The following PGAM1 variants were observed in gnomAD, a reference collection of about 807,000 sequenced individuals.
PGAM1 encodes BPG-dependent PGAM 1.
A neutral mutation model predicts 23.5 loss-of-function variants in PGAM1; 21 were observed. The ratio of observed to expected loss-of-function variants is 0.89; its 90% CI spans 0.63 to 1.29. The LOEUF is 1.29. PGAM1 is among the 50% of genes most tolerant of loss of function. The pLI, the probability that PGAM1 is intolerant of heterozygous loss-of-function variation, is 0.00. For synonymous variants in PGAM1, 109 were observed against 128.6 expected (o/e 0.85, Z 1.03); for missense variants, 232 against 336.3 (o/e 0.69, Z 2.42).
Position 97,430,414 on chromosome 10 carries a change from G to C in PGAM1, c.175G>C (p.Val59Leu). 1.2e-6 allele frequency: 2 copies of C among 1,611,466 alleles called. No homozygotes were observed. The highest frequency in any genetic ancestry group is 2.2e-5 in the South Asian group (2 of 90,994). ...GYEFDICFTSVQKRAIRTLWT... is the reference protein window; with the variant it reads ...GYEFDICFTSLQKRAIRTLWT... ...TGAGTTTGACATCTGCTTCACCTCA[G>C]TGCAGAAGAGAGCGATCCGGACCCT... The change falls in exon 2 of 4, where the codon GTG becomes CTG. Residue 59 changes from valine to leucine, a missense_variant. Coordinates refer to ENST00000334828, the MANE Select transcript of PGAM1 (RefSeq NM_002629.4).
Position 97,432,579 on chromosome 10 carries a change from C to A in PGAM1, c.*55C>A, listed in dbSNP as rs1037630935. The A allele has an allele frequency of 1.6e-4, 163 of 1,019,064 alleles. No homozygotes were observed. The highest frequency in any genetic ancestry group is 2.4e-4 in the Non-Finnish European group (162 of 662,516). 63.1% of individuals were successfully genotyped at this position (1,019,064 alleles called of 1,614,324 possible). A position where few individuals can be genotyped will look rare whatever the true frequency, so the allele number is the denominator to read the frequency against. On this transcript the variant is annotated 3_prime_UTR_variant, in exon 4 of 4. Coordinates refer to ENST00000334828, the MANE Select transcript of PGAM1 (RefSeq NM_002629.4). ...AGCACCCTCCCTGCCCGTCTTGTCC[C>A]TCTGCCCCTCCCACCTGCACATGTC...
intron 1 of PGAM1, among the ~76,000 whole-genome samples, chr10:97,429,842 C>T (rs1414494972): frequency 6.6e-6 from 1 of 151,886 alleles, no homozygotes; most frequent in Non-Finnish European, 1.5e-5. Flanking sequence ...TTATAAGTGA[C>T]AATTCCCAGT....
At position 97,431,795 on chromosome 10, in the gene PGAM1, G is replaced by A. The variant is rs143821040; in HGVS notation, c.596-560G>A. 8.5e-5 allele frequency among the ~76,000 whole-genome samples: 13 copies of A among 152,112 alleles called. No homozygotes were observed. The South Asian group carries it at 2.7e-3, about 32-fold the overall frequency. On this transcript the variant is annotated intron_variant, in intron 3 of 3. Transcript: ENST00000334828. The stretch of plus-strand genomic sequence containing the variant: ...TCCCAGCTACTCAGGAGGCTGAGGC[G>A]GGAGATCGCTTGAGCCCAGCAGTTT...
At position 97,426,219 on chromosome 10, in the gene PGAM1, G is replaced by T. The variant is rs555771648; in HGVS notation, c.-89G>T. ...AACTTGCGCGGGAGCCGGACTGAGC[G>T]GTGCGAGCGCGCAGGCGCGGCCGAC... On this transcript the variant is annotated 5_prime_UTR_variant, in exon 1 of 4. Coordinates refer to ENST00000334828, the MANE Select transcript of PGAM1 (RefSeq NM_002629.4). 4 of 1,587,678 alleles carry T rather than the reference G, an allele frequency of 2.5e-6. No individual in the cohort carries two copies. The South Asian group carries it at 3.3e-5, about 13-fold the overall frequency.
At chr10:97,428,196 AAAAT>A (rs775404801) in intron 1 of PGAM1, among the ~76,000 whole-genome samples, 4 of 152,276 alleles carry the variant, frequency 2.6e-5, no homozygotes, top group Admixed American at 6.5e-5. Context: ...TTTCAGTTTT[AAAAT>A]AAATGTTAGC....
rs368711979 is a variant in PGAM1 at position 97,432,688 on chromosome 10, G to A, written c.*164G>A. On this transcript the variant is annotated 3_prime_UTR_variant, in exon 4 of 4. Transcript: ENST00000334828. ...CCATTTTCATTTTAGCCATTTTGTC[G>A]CCTGCACCCACTCCCTTCATACAAT... 2,740 of 678,152 alleles carry A rather than the reference G, an allele frequency of 4.0e-3. 57 individuals are homozygous for A. The African/African-American group carries it at 0.044, about 11-fold the overall frequency. The allele number at this position is 678,152 out of a possible 1,614,324, so 42.0% of individuals were successfully genotyped here. A position where few individuals can be genotyped will look rare whatever the true frequency, so the allele number is the denominator to read the frequency against.
At position 97,426,439 on chromosome 10, in the gene PGAM1, G is replaced by A; in HGVS notation, c.132G>A (p.Ala44=). The change falls in exon 1 of 4, where the codon GCG becomes GCA. Residue 44 remains alanine (A), a synonymous_variant. Transcript: ENST00000334828. ...GHEEAKRGGQ[A]LRDAGYEFDI... is the part of the protein sequence containing the mutation. ...AGGAGGCGAAGCGCGGCGGGCAGGC[G>A]CTACGAGGTGCGGAGGGGCCGGGTG... is the stretch of plus-strand genomic sequence containing the variant. The A allele has an allele frequency of 1.2e-6, 2 of 1,601,116 alleles. No homozygotes were observed. Among genetic ancestry groups the A allele is most frequent in the East Asian group, 2.2e-5 (1 of 44,456 alleles).
chr10:97,430,303 A>T, intron 1 of PGAM1, 76 bp from the exon 2 acceptor site: 1 of 1,546,496 alleles, frequency 6.5e-7, no homozygotes, highest in Non-Finnish European at 8.9e-7. Flanking sequence ...CTACTTGTAC[A>T]GGAGATTGAT....
chr10:97,426,328 G>C lies in PGAM1; in HGVS notation c.21G>C (p.Val7=). The C allele has an allele frequency of 6.2e-7, 1 of 1,610,584 alleles. No homozygotes were observed. ...CCGCCATGGCCGCCTACAAACTGGT[G>C]CTGATCCGGCACGGCGAGAGCGCAT... MAAYKL[V]LIRHGESAWN... Residue 7 remains valine (V), a synonymous_variant, in exon 1 of 4, where the codon GTG becomes GTC. Transcript: ENST00000334828.
chr10:97,431,205 T>G, intron 3 of PGAM1, 70 bp downstream of exon 3: 1 of 1,576,964 alleles, frequency 6.3e-7, no homozygotes, highest in African/African-American at 1.3e-5. Context: ...AGGGACTTGG[T>G]AAAAAGGAGT....
chr10:97,431,498 T>G lies in PGAM1; in HGVS notation c.595+363T>G, dbSNP rs146209323. ...CTGCTAGTGAAAATCCTCCTTAGCT[T>G]GCCAAGCACAGTGGCTCATGCCTGT... On this transcript the variant is annotated intron_variant, in intron 3 of 3. Coordinates refer to ENST00000334828, the MANE Select transcript of PGAM1 (RefSeq NM_002629.4). 1.7e-3 allele frequency among the ~76,000 whole-genome samples: 261 copies of G among 152,282 alleles called. 1 individual carries two copies. The highest frequency in any genetic ancestry group is 5.6e-3 in the African/African-American group (233 of 41,556).
In PGAM1 at chr10:97,427,627, C is replaced by T. The variant is rs905940641; in HGVS notation, c.139+1181C>T. 1.8e-4 allele frequency: 208 copies of T among 1,181,854 alleles called. 1 individual carries two copies. The highest frequency in any genetic ancestry group is 9.1e-4 in the South Asian group (57 of 62,684). The allele number at this position is 1,181,854 out of a possible 1,614,324, so 73.2% of individuals were successfully genotyped here. A position where few individuals can be genotyped will look rare whatever the true frequency, so the allele number is the denominator to read the frequency against. ...GGACGCTGGGCAAAGGTGGAAGTGGCTGTGAGATAATGCTTGCCTATCCAG... is the reference window on the plus strand; with the variant it reads ...GGACGCTGGGCAAAGGTGGAAGTGGTTGTGAGATAATGCTTGCCTATCCAG... On this transcript the variant is annotated intron_variant, in intron 1 of 3. Coordinates refer to ENST00000334828, the MANE Select transcript of PGAM1 (RefSeq NM_002629.4).
In PGAM1 at chr10:97,430,442, G is replaced by A. The variant is rs774795419; in HGVS notation, c.203G>A (p.Trp68Ter). 6.2e-7 allele frequency: 1 copy of A among 1,609,174 alleles called. No homozygotes were observed. Among genetic ancestry groups the A allele is most frequent in the South Asian group, 1.1e-5 (1 of 90,974 alleles). Residue 68 changes from tryptophan (W) to a stop codon, truncating the protein, a stop_gained, in exon 2 of 4, where the codon TGG becomes TAG. Transcript: ENST00000334828. LOFTEE classifies it high-confidence loss of function. ...CAGAAGAGAGCGATCCGGACCCTCTGGACAGTGCTAGATGCCATTGATCAG... is the reference window on the plus strand; with the variant it reads ...CAGAAGAGAGCGATCCGGACCCTCTAGACAGTGCTAGATGCCATTGATCAG... The part of the protein sequence containing the change: ...SVQKRAIRTL[W>*]TVLDAIDQMW...
intron 1 of PGAM1, 43 bp downstream of exon 1, chr10:97,426,489 G>T: frequency 6.6e-7 from 1 of 1,513,656 alleles, no homozygotes; most frequent in South Asian, 1.3e-5. Flanking sequence ...CCGGGTGTCC[G>T]GCCTCGGAGG....
At chr10:97,426,847 C>T (rs886839736) in intron 1 of PGAM1, among the ~76,000 whole-genome samples, 1 of 152,164 alleles carries the variant, frequency 6.6e-6, no homozygotes, top group African/African-American at 2.4e-5. Context: ...CCAGCCTTAT[C>T]AACGTGGTGA....
Position 97,432,343 on chromosome 10 carries a change from G to A in PGAM1, c.596-12G>A, listed in dbSNP as rs1845479253. Reference sequence around the variant, plus strand: ...TATGTCTTGTGTGGCTGATGATGGTGGATGTTTTCAGGTCTCTCTGAAGAG... The same window carrying A: ...TATGTCTTGTGTGGCTGATGATGGTAGATGTTTTCAGGTCTCTCTGAAGAG... On this transcript the variant is annotated splice_polypyrimidine_tract_variant and intron_variant, in intron 3 of 3. Transcript: ENST00000334828. The A allele has an allele frequency of 3.1e-6, 5 of 1,612,102 alleles. No homozygotes were observed. In the East Asian group the frequency reaches 8.9e-5, roughly 29 times the overall value.
intron 1 of PGAM1, among the ~76,000 whole-genome samples, chr10:97,430,043 C>CAAAAAA (rs71814636): frequency 1.3e-4 from 9 of 69,506 alleles, no homozygotes; most frequent in African/African-American, 2.4e-4. Context: ...GACTCCGTCT[C>CAAAAAA]AAAAAAAAAA....
chr10:97,428,521 C>T lies in PGAM1; in HGVS notation c.140-1858C>T, dbSNP rs146620666. Among the ~76,000 whole-genome samples, 40 of 152,294 alleles carry T rather than the reference C, an allele frequency of 2.6e-4. 1 individual carries two copies. The East Asian group carries it at 7.3e-3, about 28-fold the overall frequency. ...TTTATTCTCTGATTCTTCAGGTTCT[C>T]TGTTAAGAATCCTAAGCGGAACTTC... On this transcript the variant is annotated intron_variant, in intron 1 of 3. Transcript: ENST00000334828.
At chr10:97,430,039 G>GTC (rs1180049225) in intron 1 of PGAM1, among the ~76,000 whole-genome samples, 2 of 128,188 alleles carry the variant, frequency 1.6e-5, no homozygotes, top group East Asian at 4.5e-4. Flanking sequence ...GTGAGACTCC[G>GTC]TCTCAAAAAA....
Sources: allele counts gnomAD v4.1 joint callset (sites outside exome capture counted in the v4.1 genomes callset), GRCh38; gene constraint gnomAD v4.1.1; transcripts MANE v1.5; gene names NCBI Gene and HGNC (gene_info 2026-07-23, HGNC 2026-07-21).